The following MBD5 variants were observed in gnomAD, a reference collection of about 807,000 sequenced individuals.
The protein encoded by MBD5 is methyl-CpG-binding domain protein 5.
MBD5 carries 13 observed loss-of-function variants against 117.3 expected under a neutral mutation model. The ratio of observed to expected loss-of-function variants is 0.11; its 90% confidence interval spans 0.07 to 0.18. The LOEUF is 0.18. Ranked by LOEUF, MBD5 falls within the 10% of genes least tolerant of loss-of-function variation. The probability of loss-of-function intolerance (pLI) is 1.00; values close to 1 mark genes in which losing one functional copy is unlikely to be tolerated. For missense variants in MBD5, 1,879 were observed against 2,093.8 expected, an observed-to-expected ratio of 0.90 and a Z score of 2.00; for synonymous variants, 727 against 766.4, an observed-to-expected ratio of 0.95 and a Z score of 0.85.
intron 4 of MBD5, among the ~76,000 whole-genome samples, chr2:148,372,619 T>C (rs554808942): frequency 1.2e-4 from 18 of 151,952 alleles, no homozygotes; most frequent in African/African-American, 3.6e-4. Context: ...TTGAGAAAGA[T>C]AGTAGTGGTG....
Position 148,469,482 on chromosome 2 carries a change from T to C in MBD5, c.1539T>C (p.Asp513=), listed in dbSNP as rs763062057. The change falls in exon 8 of 14, where the codon GAT becomes GAC. Residue 513 remains aspartate, a synonymous_variant. Transcript: ENST00000642680. ...CATCAAGCCCTTCTACCAAGTCCGA[T>C]GGACATCATCAGTACAAGGATATCC... ...SMPSSPSTKS[D]GHHQYKDIPN... The C allele has an allele frequency of 1.2e-6, 2 of 1,613,742 alleles. No individual in the cohort carries two copies. The highest frequency in any genetic ancestry group is 1.7e-5 in the Admixed American group (1 of 59,974).
At chr2:148,076,323 G>A (rs1451532846) in intron 1 of MBD5, among the ~76,000 whole-genome samples, 2 of 152,150 alleles carry the variant, frequency 1.3e-5, no homozygotes, top group Non-Finnish European at 1.5e-5. Context: ...TATCAGTCAA[G>A]ATGGGCTATA....
intron 1 of MBD5, among the ~76,000 whole-genome samples, chr2:148,084,079 T>C (rs1477347141): frequency 2.0e-5 from 3 of 152,198 alleles, no homozygotes; most frequent in African/African-American, 7.2e-5. Context: ...ATAAAGTCTC[T>C]CGTTTTGCTG....
At chr2:148,170,840 C>G (rs1323453685) in intron 1 of MBD5, among the ~76,000 whole-genome samples, 1 of 152,124 alleles carries the variant, frequency 6.6e-6, no homozygotes, top group Non-Finnish European at 1.5e-5. Flanking sequence ...CAGAATGGAT[C>G]ATAAGAGACC....
At chr2:148,108,272 T>G (rs1006169154) in intron 1 of MBD5, among the ~76,000 whole-genome samples, 7 of 152,190 alleles carry the variant, frequency 4.6e-5, no homozygotes, top group Non-Finnish European at 8.8e-5. Context: ...TAATTTACCA[T>G]GAGCAAATTA....
intron 1 of MBD5, among the ~76,000 whole-genome samples, chr2:148,072,721 A>G (rs865911441): frequency 1.3e-5 from 2 of 152,200 alleles, no homozygotes; most frequent in Non-Finnish European, 2.9e-5. Flanking sequence ...CTGCTGTGTT[A>G]TGAATACATC....
intron 3 of MBD5, among the ~76,000 whole-genome samples, chr2:148,327,114 A>T (rs1382915387): frequency 6.6e-6 from 1 of 152,070 alleles, no homozygotes; most frequent in African/African-American, 2.4e-5. Flanking sequence ...TTGGCTGGAT[A>T]TGAAATTCTG....
At chr2:148,481,041 G>C (rs917954648) in intron 8 of MBD5, among the ~76,000 whole-genome samples, 1 of 151,728 alleles carries the variant, frequency 6.6e-6, no homozygotes, top group African/African-American at 2.4e-5. Flanking sequence ...TATTTTTATA[G>C]ACTTTTCCAT....
intron 4 of MBD5, among the ~76,000 whole-genome samples, chr2:148,354,933 CT>C (rs2105260582): frequency 6.6e-6 from 1 of 151,726 alleles, no homozygotes; most frequent in Admixed American, 6.6e-5. Context: ...CCTTTGCTCA[CT>C]TTTTGATGGA....
At chr2:148,402,025 G>A (rs933202381) in intron 4 of MBD5, among the ~76,000 whole-genome samples, 3 of 151,630 alleles carry the variant, frequency 2.0e-5, no homozygotes, top group Non-Finnish European at 4.4e-5. Context: ...TCCCGTTCTC[G>A]GTGCTTTATA....
intron 1 of MBD5, among the ~76,000 whole-genome samples, chr2:148,057,448 G>C (rs1311424173): frequency 6.7e-6 from 1 of 150,144 alleles, no homozygotes; most frequent in African/African-American, 2.5e-5. Flanking sequence ...AATTTCTATT[G>C]TGATTTTTTT....
At chr2:148,409,698 G>A (rs1705195954) in intron 4 of MBD5, among the ~76,000 whole-genome samples, 1 of 152,100 alleles carries the variant, frequency 6.6e-6, no homozygotes, top group Non-Finnish European at 1.5e-5. Context: ...TTTTACTAAG[G>A]CCAACCAGGG....
At chr2:148,393,138 G>A (rs988430920) in intron 4 of MBD5, among the ~76,000 whole-genome samples, 8 of 152,044 alleles carry the variant, frequency 5.3e-5, no homozygotes, top group African/African-American at 1.7e-4. Flanking sequence ...AAAGATAAAG[G>A]CCTTGTAAAA....
chr2:148,102,311 A>C (rs1254006351), intron 1 of MBD5, among the ~76,000 whole-genome samples: 3 of 152,222 alleles, frequency 2.0e-5, no homozygotes, highest in African/African-American at 7.2e-5. Flanking sequence ...ATCAAAAAAC[A>C]AAAAACCTAG....
At chr2:148,345,088 G>A (rs1229043271) in intron 4 of MBD5, among the ~76,000 whole-genome samples, 1 of 151,578 alleles carries the variant, frequency 6.6e-6, no homozygotes, top group Admixed American at 6.6e-5. Context: ...TTAAGATAAC[G>A]TATGTCTTCA....
Position 148,206,619 on chromosome 2 carries a change from T to C in MBD5, c.-830-26626T>C, listed in dbSNP as rs527433224. Among the ~76,000 whole-genome samples, 4 of 152,298 alleles carry C rather than the reference T, an allele frequency of 2.6e-5. No homozygotes were observed. In the East Asian group the frequency reaches 7.7e-4, roughly 29 times the overall value. On this transcript the variant is annotated intron_variant, in intron 2 of 13. Transcript: ENST00000642680. Reference sequence around the variant, plus strand: ...CTCTCCATCTCCCCTCCCCACTGCCTTCCCAACCTCTCACTTTTTAAAAAG... The same window carrying C: ...CTCTCCATCTCCCCTCCCCACTGCCCTCCCAACCTCTCACTTTTTAAAAAG...
intron 2 of MBD5, chr2:148,196,249 A>G (rs544984955): frequency 6.6e-6 from 1 of 152,250 alleles, no homozygotes; most frequent in Non-Finnish European, 1.5e-5. Flanking sequence ...ATTTTTTGTA[A>G]TAGTTCCATT....
intron 4 of MBD5, chr2:148,346,275 A>G (rs1703122141): frequency 6.6e-6 from 1 of 152,194 alleles, no homozygotes; most frequent in Non-Finnish European, 1.5e-5. Flanking sequence ...ATGACATTTT[A>G]TAAATTTACA....
At chr2:148,151,739 G>C (rs936020642) in intron 1 of MBD5, among the ~76,000 whole-genome samples, 9 of 152,080 alleles carry the variant, frequency 5.9e-5, no homozygotes, top group South Asian at 2.1e-4. Context: ...AGAGGTGTTT[G>C]TAGTATTCTC....
Sources: allele counts gnomAD v4.1 joint callset (sites outside exome capture counted in the v4.1 genomes callset), GRCh38; gene constraint gnomAD v4.1.1; transcripts MANE v1.5; gene names NCBI Gene and HGNC (gene_info 2026-07-23, HGNC 2026-07-21).